Variants in PCDHA1 observed in about 807,000 individuals in gnomAD.
PCDHA1 encodes protocadherin alpha 1, also known as protocadherin alpha-1.
In PCDHA1, 42 loss-of-function variants were observed where a neutral mutation model predicts 61.3. The ratio of observed to expected loss-of-function variants is 0.69; its 90% CI spans 0.54 to 0.89. The LOEUF (loss-of-function observed/expected upper bound fraction) is 0.89, where lower values mean the gene tolerates loss of function less well. Among genes scored for constraint, PCDHA1 ranks in the 40% least tolerant of loss-of-function variants. PCDHA1 has a pLI of 0.00. For missense variants in PCDHA1, 1,256 were observed against 1,235.3 expected, an observed-to-expected ratio of 1.02 and a Z score of -0.25; for synonymous variants, 610 against 553.8, an observed-to-expected ratio of 1.10 and a Z score of -1.43.
chr5:140,850,513 G>T lies in PCDHA1; in HGVS notation c.2394+61829G>T, dbSNP rs2150487190. The stretch of plus-strand genomic sequence containing the variant: ...GTGCTGGTGTCGCTGGTGGAGAGCG[G>T]CCAGGCGCCAAAGTCATCGTCGCGG... On this transcript the variant is annotated intron_variant, in intron 1 of 3. Transcript: ENST00000504120. The T allele has an allele frequency of 3.1e-6, 5 of 1,598,108 alleles. No homozygotes were observed. In the East Asian group the frequency reaches 1.1e-4, roughly 36 times the overall value.
intron 1 of PCDHA1, among the ~76,000 whole-genome samples, chr5:140,912,310 A>G (rs936183695): frequency 4.0e-5 from 6 of 151,764 alleles, no homozygotes; most frequent in African/African-American, 1.2e-4. Context: ...AATCCAGTCA[A>G]GTTGACCCTC....
intron 1 of PCDHA1, chr5:140,795,941 G>A: frequency 6.2e-7 from 1 of 1,613,914 alleles, no homozygotes. Context: ...ACTGACAAAG[G>A]AACCCCTTCA....
At chr5:140,793,654 C>T (rs572929368) in intron 1 of PCDHA1, among the ~76,000 whole-genome samples, 1 of 152,210 alleles carries the variant, frequency 6.6e-6, no homozygotes, top group South Asian at 2.1e-4. Context: ...TATGCTATCC[C>T]ACTCCTTGAT....
chr5:140,834,127 T>C (rs1554134048), intron 1 of PCDHA1: 1 of 448,364 alleles, frequency 2.2e-6, no homozygotes, highest in African/African-American at 2.0e-5. Flanking sequence ...ATAAAACTTT[T>C]CATCTGATTA....
At chr5:140,795,008 T>G in intron 1 of PCDHA1, 1 of 1,613,774 alleles carries the variant, frequency 6.2e-7, no homozygotes, top group Non-Finnish European at 8.5e-7. Context: ...TGGACACGGC[T>G]GCTCTCGCTT....
At chr5:140,928,576 A>G in intron 1 of PCDHA1, 1 of 1,614,160 alleles carries the variant, frequency 6.2e-7, no homozygotes, top group South Asian at 1.1e-5. Flanking sequence ...CTTGCCCAGA[A>G]ATGGTTCTGT....
At chr5:140,850,799 C>G (rs576094644) in intron 1 of PCDHA1, 1 of 1,598,148 alleles carries the variant, frequency 6.3e-7, no homozygotes, top group Non-Finnish European at 8.6e-7. Context: ...AGAAGACCGA[C>G]CTCATGGCCT....
At chr5:140,967,881 G>A (rs2096193873) in intron 1 of PCDHA1, 2 of 1,614,034 alleles carry the variant, frequency 1.2e-6, no homozygotes, top group Non-Finnish European at 1.7e-6. Context: ...GACCTGTATA[G>A]CCCAGTGCCT....
At chr5:140,830,487 T>C in intron 1 of PCDHA1, 1 of 1,497,798 alleles carries the variant, frequency 6.7e-7, no homozygotes, top group East Asian at 2.4e-5. Flanking sequence ...GATGCCAAAG[T>C]AAGTGAATTT....
At chr5:140,877,487 A>C (rs1293347310) in intron 1 of PCDHA1, 1 of 1,613,704 alleles carries the variant, frequency 6.2e-7, no homozygotes, top group African/African-American at 1.3e-5. Context: ...CTGGTGGAGA[A>C]CGGCCAGGCC....
chr5:140,834,682 C>G, intron 1 of PCDHA1: 5 of 1,614,204 alleles, frequency 3.1e-6, no homozygotes, highest in Non-Finnish European at 4.2e-6. Context: ...GGGCGGAGCG[C>G]GGAGTGCAGC....
intron 3 of PCDHA1, among the ~76,000 whole-genome samples, chr5:140,987,258 G>A (rs1292743876): frequency 6.6e-6 from 1 of 151,918 alleles, no homozygotes; most frequent in Non-Finnish European, 1.5e-5. Context: ...ACATTCTCAG[G>A]AATGGGACCC....
intron 1 of PCDHA1, among the ~76,000 whole-genome samples, chr5:140,962,378 G>A (rs184607177): frequency 2.1e-3 from 316 of 152,286 alleles, no homozygotes; most frequent in African/African-American, 7.3e-3. Context: ...GATTTTATCT[G>A]TTAATATTAC....
At chr5:140,803,589 AAAGT>A in intron 1 of PCDHA1, 1 of 1,614,222 alleles carries the variant, frequency 6.2e-7, no homozygotes, top group Admixed American at 1.7e-5. Flanking sequence ...TCTCTCAGCC[AAAGT>A]GAGTAATTTT....
intron 1 of PCDHA1, chr5:140,968,130 T>C: frequency 6.2e-7 from 1 of 1,614,114 alleles, no homozygotes; most frequent in Non-Finnish European, 8.5e-7. Flanking sequence ...CTGCGTACAC[T>C]GAAGGTTGAG....
chr5:140,990,822 C>G (rs1273714328), intron 3 of PCDHA1, among the ~76,000 whole-genome samples: 1 of 152,204 alleles, frequency 6.6e-6, no homozygotes. Flanking sequence ...CTTCTCTCAG[C>G]TAAAGCCTAT....
rs2150472537 is a variant in PCDHA1, at chr5:140,850,195, C to T, written c.2394+61511C>T. 8.8e-6 allele frequency: 14 copies of T among 1,593,610 alleles called. 2 individuals are homozygous for T. In the South Asian group the frequency reaches 1.5e-4, roughly 18 times the overall value. The stretch of plus-strand genomic sequence containing the variant: ...AACGACAATGCGCCGGCGCTGCTGA[C>T]ACCTCGGATGAGGGGCACTGACGGC... On this transcript the variant is annotated intron_variant, in intron 1 of 3. Transcript: ENST00000504120.
At chr5:140,927,481 G>A in intron 1 of PCDHA1, 1 of 1,614,072 alleles carries the variant, frequency 6.2e-7, no homozygotes, top group Non-Finnish European at 8.5e-7. Flanking sequence ...CGAACAGCGC[G>A]CCACCCACCT....
intron 1 of PCDHA1, chr5:140,808,452 A>AGC (rs1272245501): frequency 6.2e-7 from 1 of 1,614,076 alleles, no homozygotes; most frequent in Non-Finnish European, 8.5e-7. Flanking sequence ...TCAGCCTATG[A>AGC]GCTGGTGGTG....
Sources: gnomAD v4.1 joint callset for allele counts (sites outside exome capture counted in the v4.1 genomes callset) on GRCh38, gnomAD v4.1.1 for gene constraint, MANE v1.5 for transcripts, NCBI Gene and HGNC (gene_info 2026-07-23, HGNC 2026-07-21) for gene names.